AARS1: variants seen among roughly 807,000 people sequenced by gnomAD.
The protein encoded by AARS1 is alanyl-tRNA synthetase 1.
AARS1 carries 72 observed loss-of-function variants against 108.9 expected under a neutral mutation model. The ratio of observed to expected loss-of-function variants is 0.66; its 90% CI spans 0.55 to 0.80. The LOEUF is 0.80. Among genes scored for constraint, AARS1 ranks in the 30% least tolerant of loss-of-function variants. The pLI, the probability that AARS1 is intolerant of heterozygous loss-of-function variation, is 0.00. For synonymous variants in AARS1, 489 were observed against 465.7 expected, an observed-to-expected ratio of 1.05 and a Z score of -0.64; for missense variants, 1,193 against 1,233.2, an observed-to-expected ratio of 0.97 and a Z score of 0.49.
chr16:70,267,647 ACTGGTAC>A lies in AARS1; in HGVS notation c.1222+5_1222+11del. The stretch of plus-strand genomic sequence containing the variant: ...ACGGCCAGGATGGAGAAGGGCAAAA[ACTGGTAC>A]CTACCGGGAATGGTCTTGCTGTCTC... On this transcript the variant is annotated splice_donor_5th_base_variant and intron_variant, in intron 9 of 20. Transcript: ENST00000261772. 6.2e-7 allele frequency: 1 copy of A among 1,614,052 alleles called. No homozygotes were observed. Among genetic ancestry groups the A allele is most frequent in the Non-Finnish European group, 8.5e-7 (1 of 1,180,032 alleles).
intron 1 of AARS1, among the ~76,000 whole-genome samples, chr16:70,284,997 A>G (rs1018609489): frequency 6.6e-6 from 1 of 152,210 alleles, no homozygotes; most frequent in Non-Finnish European, 1.5e-5. Context: ...TGGGAGGCCA[A>G]GGTGGGTGGA....
chr16:70,275,389 G>A (rs1169146260), intron 4 of AARS1, among the ~76,000 whole-genome samples: 2 of 152,088 alleles, frequency 1.3e-5, no homozygotes, highest in Non-Finnish European at 2.9e-5. Flanking sequence ...GCCACGGCGG[G>A]CAGATCACGA....
chr16:70,276,067 TA>T (rs1960542349), intron 4 of AARS1: 1 of 152,838 alleles, frequency 6.5e-6, no homozygotes, highest in Admixed American at 6.5e-5. Flanking sequence ...ATACAAAAGT[TA>T]GCTGGGCATG....
intron 13 of AARS1, among the ~76,000 whole-genome samples, chr16:70,259,796 G>T (rs1388149359): frequency 6.6e-6 from 1 of 151,310 alleles, no homozygotes; most frequent in Non-Finnish European, 1.5e-5. Flanking sequence ...TTTTTATAAG[G>T]AGTTTCGCTC....
intron 13 of AARS1, among the ~76,000 whole-genome samples, chr16:70,260,221 A>C (rs1306256630): frequency 6.6e-6 from 1 of 152,202 alleles, no homozygotes; most frequent in East Asian, 1.9e-4. Context: ...TATTTACACA[A>C]AGTTTGCCAA....
intron 2 of AARS1, 45 bp downstream of exon 2, chr16:70,282,575 C>A: frequency 6.2e-7 from 1 of 1,611,528 alleles, no homozygotes; most frequent in Non-Finnish European, 8.5e-7. Context: ...GGCTCTGCTG[C>A]CTCTTATGTG....
intron 15 of AARS1, among the ~76,000 whole-genome samples, chr16:70,257,523 G>A (rs1317025791): frequency 1.3e-5 from 2 of 152,194 alleles, no homozygotes; most frequent in Non-Finnish European, 2.9e-5. Context: ...AGATACAGAG[G>A]AATCCAAATT....
chr16:70,270,808 G>A lies in AARS1; in HGVS notation c.672-468C>T, dbSNP rs372823269. ...GCTGAGATTTCACCATTGCACTACA[G>A]CCTGGGCAACAAGAGCAAAACTCCA... On this transcript the variant is annotated intron_variant, in intron 5 of 20. Coordinates refer to ENST00000261772, the MANE Select transcript of AARS1 (RefSeq NM_001605.3). Among the ~76,000 whole-genome samples, 43 of 142,402 alleles carry A rather than the reference G, an allele frequency of 3.0e-4. No individual in the cohort carries two copies. The South Asian group carries it at 3.5e-3, about 12-fold the overall frequency. The allele number at this position is 142,402 out of a possible 152,430, so 93.4% of individuals were successfully genotyped here.
chr16:70,271,722 C>G (rs1166926264), intron 5 of AARS1, 59 bp downstream of exon 5: 4 of 1,546,390 alleles, frequency 2.6e-6, no homozygotes, highest in South Asian at 1.1e-5. Flanking sequence ...TACACAGCTC[C>G]GAGTTCCTCC....
At chr16:70,285,456 T>A (rs1960816678) in intron 1 of AARS1, among the ~76,000 whole-genome samples, 1 of 151,916 alleles carries the variant, frequency 6.6e-6, no homozygotes, top group African/African-American at 2.4e-5. Context: ...ATTTCTTTTT[T>A]TTTCTTTTTT....
At position 70,269,611 on chromosome 16, in the gene AARS1, T is replaced by C. The variant is rs1437313946; in HGVS notation, c.962+7A>G. 2 of 1,613,830 alleles carry C rather than the reference T, an allele frequency of 1.2e-6. No homozygotes were observed. Among genetic ancestry groups the C allele is most frequent in the Admixed American group, 1.7e-5 (1 of 59,990 alleles). Reference sequence around the variant, plus strand: ...TCCAAACACCACCCAGTGTGCAGCATACTTACCCACGCCCTGTGTTGTCAG... The same window carrying C: ...TCCAAACACCACCCAGTGTGCAGCACACTTACCCACGCCCTGTGTTGTCAG... On this transcript the variant is annotated splice_region_variant and intron_variant, in intron 7 of 20. Coordinates refer to ENST00000261772, the MANE Select transcript of AARS1 (RefSeq NM_001605.3).
intron 11 of AARS1, among the ~76,000 whole-genome samples, chr16:70,264,592 C>T (rs1161303825): frequency 6.6e-6 from 1 of 152,066 alleles, no homozygotes; most frequent in African/African-American, 2.4e-5. Context: ...GTTGGGATTA[C>T]AGGTGTGAGG....
intron 9 of AARS1, 50 bp downstream of exon 9, chr16:70,267,609 C>T (rs764115469): frequency 3.7e-5 from 59 of 1,611,114 alleles, no homozygotes; most frequent in Non-Finnish European, 4.9e-5. Flanking sequence ...CTTGTCTTTC[C>T]CAGAAAGATC....
At chr16:70,276,259 G>A (rs1960547837) in intron 4 of AARS1, 1 of 439,574 alleles carries the variant, frequency 2.3e-6, no homozygotes, top group African/African-American at 2.0e-5. Flanking sequence ...TGCATCTAAA[G>A]ATAATTACTC....
chr16:70,263,622 T>C (rs1018040464), intron 11 of AARS1, among the ~76,000 whole-genome samples: 4 of 151,242 alleles, frequency 2.6e-5, no homozygotes, highest in South Asian at 2.1e-4. Flanking sequence ...TGCAAAAACA[T>C]GTATTGCCAA....
chr16:70,254,254 G>C, intron 17 of AARS1: 1 of 655,018 alleles, frequency 1.5e-6, no homozygotes, highest in Non-Finnish European at 2.7e-6. Flanking sequence ...CCCAAATCAG[G>C]CCCGGTCCTT....
intron 6 of AARS1, 54 bp downstream of exon 6, chr16:70,270,142 G>A: frequency 1.2e-6 from 2 of 1,605,960 alleles, no homozygotes; most frequent in Non-Finnish European, 1.7e-6. Context: ...ACTGTTAAGA[G>A]TACAGCCTGG....
At chr16:70,254,808 C>G (rs993399069) in intron 16 of AARS1, 74 bp from the exon 17 acceptor site, 1 of 1,012,022 alleles carries the variant, frequency 9.9e-7, no homozygotes, top group Non-Finnish European at 1.6e-6. Context: ...TGAGCAGCTG[C>G]GGAAGCCCCG....
chr16:70,260,964 A>C lies in AARS1; in HGVS notation c.1785+80T>G. On this transcript the variant is annotated intron_variant, in intron 13 of 20. Coordinates refer to ENST00000261772, the MANE Select transcript of AARS1 (RefSeq NM_001605.3). ...AGTGTGAGCCACCACACCCGGCCCA[A>C]CAGTGACAGGACAATTTAAAGCCAG... 4 of 1,175,154 alleles carry C rather than the reference A, an allele frequency of 3.4e-6. No homozygotes were observed. In the South Asian group the frequency reaches 4.9e-5, roughly 15 times the overall value. The allele number at this position is 1,175,154 out of a possible 1,614,324, so 72.8% of individuals were successfully genotyped here.
Sources: allele counts gnomAD v4.1 joint callset (sites outside exome capture counted in the v4.1 genomes callset), GRCh38; gene constraint gnomAD v4.1.1; transcripts MANE v1.5; gene names NCBI Gene and HGNC (gene_info 2026-07-23, HGNC 2026-07-21).